The following HSPG2 variants were observed in gnomAD, a reference collection of about 807,000 sequenced individuals.
HSPG2 encodes the protein basement membrane-specific heparan sulfate proteoglycan core protein.
HSPG2 carries 278 observed loss-of-function variants against 526.6 expected under a neutral mutation model. That is an observed-to-expected ratio of 0.53 (90% CI 0.48 to 0.58). The LOEUF is 0.58. Among genes scored for constraint, HSPG2 ranks in the 20% least tolerant of loss-of-function variants. The pLI is 0.00. For synonymous variants in HSPG2, 2,465 were observed against 2,555.4 expected (o/e 0.96, Z 1.07); for missense variants, 5,354 against 6,099.5 (o/e 0.88, Z 4.07).
intron 28 of HSPG2, 120 bp from the exon 29 acceptor site, chr1:21,874,131 A>G: frequency 1.1e-6 from 1 of 891,070 alleles, no homozygotes. Flanking sequence ...ATGTGTCCTC[A>G]GTGCCACTGC....
At chr1:21,862,355 G>A (rs532060678) in intron 37 of HSPG2, among the ~76,000 whole-genome samples, 10 of 152,046 alleles carry the variant, frequency 6.6e-5, no homozygotes, top group East Asian at 1.9e-4. Flanking sequence ...AGGCCGAGGC[G>A]GGTGGATCAC....
Position 21,890,603 on chromosome 1 carries a change from G to C in HSPG2, c.336C>G (p.Ser112=). The change falls in exon 4 of 97, where the codon TCC becomes TCG. Residue 112 remains serine, a synonymous_variant. Coordinates refer to ENST00000374695, the MANE Select transcript of HSPG2 (RefSeq NM_005529.7). This position sits in a 1 kb window ranked among gnomAD's most constrained non-coding sequence, Gnocchi z 4.1. ...ACCTCACCGTGTCTACCACAGCCTCGGACACCTCTCGGAACTCTCTGGAGC... is the reference window on the plus strand; with the variant it reads ...ACCTCACCGTGTCTACCACAGCCTCCGACACCTCTCGGAACTCTCTGGAGC... ...DAGSREFREV[S]EAVVDTLESE... The C allele has an allele frequency of 6.2e-7, 1 of 1,613,266 alleles. No homozygotes were observed. Among genetic ancestry groups the C allele is most frequent in the Non-Finnish European group, 8.5e-7 (1 of 1,179,242 alleles).
chr1:21,900,180 G>A (rs1327668376), intron 1 of HSPG2, among the ~76,000 whole-genome samples: 5 of 152,216 alleles, frequency 3.3e-5, no homozygotes, highest in Non-Finnish European at 5.9e-5. Flanking sequence ...GAGGGGTCTA[G>A]GGGTCAGACC....
intron 27 of HSPG2, 30 bp downstream of exon 27, chr1:21,874,586 T>G: frequency 6.2e-7 from 1 of 1,613,754 alleles, no homozygotes; most frequent in Non-Finnish European, 8.5e-7. Context: ...CACAGATTGC[T>G]GGGGTGGGCG....
chr1:21,831,347 G>A (rs950980774), intron 83 of HSPG2, 23 bp from the exon 84 acceptor site: 9 of 1,609,836 alleles, frequency 5.6e-6, no homozygotes, highest in African/African-American at 4.0e-5. Flanking sequence ...TGGGCAGGAT[G>A]AGCACAGGGC....
chr1:21,899,012 A>G (rs1198799988), intron 1 of HSPG2, among the ~76,000 whole-genome samples: 1 of 152,182 alleles, frequency 6.6e-6, no homozygotes, highest in Non-Finnish European at 1.5e-5. Flanking sequence ...AGCCAGGAAC[A>G]CACATCTGCA....
Position 21,850,518 on chromosome 1 carries a change from G to C in HSPG2, c.7159-20C>G, listed in dbSNP as rs1638808993. The C allele has an allele frequency of 6.3e-7, 1 of 1,593,302 alleles. No individual in the cohort carries two copies. The highest frequency in any genetic ancestry group is 8.6e-7 in the Non-Finnish European group (1 of 1,167,962). On this transcript the variant is annotated intron_variant, in intron 55 of 96. Transcript: ENST00000374695. ...GTGGGTCTGGCCAGAATGGGGGTGA[G>C]TCAGAGGGAGCCCTCAGGAGACCCC...
intron 2 of HSPG2, 57 bp downstream of exon 2, chr1:21,896,118 A>G: frequency 6.2e-7 from 1 of 1,608,954 alleles, no homozygotes; most frequent in Non-Finnish European, 8.5e-7. Flanking sequence ...TGCCAGTGGG[A>G]AGAAGCACAG....
rs758771373 is a variant in HSPG2 at position 21,833,574 on chromosome 1, T to C, written c.10871A>G (p.Asn3624Ser). The C allele has an allele frequency of 1.2e-6, 2 of 1,614,126 alleles. No homozygotes were observed. Among genetic ancestry groups the C allele is most frequent in the South Asian group, 1.1e-5 (1 of 91,080 alleles). Residue 3624 changes from asparagine to serine, a missense_variant, in exon 79 of 97, where the codon AAC (asparagine) becomes AGC (serine). Asn to Ser is a conservative substitution (Grantham distance 46). Transcript: ENST00000374695. ...SLPPDSRLEN[N>S]MLMLPSVRPQ... ...TCGGACTGAGGGCAGCATCAGCATG[T>C]TGTTCTCCAGGCGGCTGTCAGGTGG...
rs145279304 is a variant in HSPG2, at chr1:21,838,973, G to A, written c.10002C>T (p.Arg3334=). The A allele has an allele frequency of 1.9e-5, 31 of 1,612,638 alleles. No individual in the cohort carries two copies. Among genetic ancestry groups the A allele is most frequent in the African/African-American group, 1.3e-4 (10 of 75,026 alleles). The part of the protein sequence containing the change: ...GTPPLTFQWS[R]VGSSLPGRAT... ...CCCTCCCAGGAAGGCTGCTGCCCAC[G>A]CGGCTCCACTGGAAGGTGAGTGGGG... Residue 3334 remains arginine (R), a synonymous_variant, in exon 74 of 97, where the codon CGC becomes CGT. Transcript: ENST00000374695.
intron 21 of HSPG2, 108 bp downstream of exon 21, chr1:21,878,078 C>T (rs1641219549): frequency 2.0e-6 from 2 of 1,021,472 alleles, no homozygotes; most frequent in African/African-American, 1.6e-5. Context: ...GACTGGGTTA[C>T]CACCCACTGG....
At position 21,859,217 on chromosome 1, in the gene HSPG2, T is replaced by C. The variant is rs548317009; in HGVS notation, c.5293+349A>G. Among the ~76,000 whole-genome samples the C allele has an allele frequency of 6.6e-6, 1 of 152,174 alleles. No individual in the cohort carries two copies. Among genetic ancestry groups the C allele is most frequent in the Admixed American group, 6.5e-5 (1 of 15,284 alleles). The stretch of plus-strand genomic sequence containing the variant: ...GTGTGTACCACCATGCCCAGCTAAT[T>C]TTTTCATTTGTACTAGAGACAGGGT... On this transcript the variant is annotated intron_variant, in intron 42 of 96. Transcript: ENST00000374695. The surrounding 1 kb of genome is among the most constrained non-coding windows in gnomAD (Gnocchi z 5.3).
chr1:21,905,714 C>T (rs2152782254), intron 1 of HSPG2, among the ~76,000 whole-genome samples: 1 of 152,274 alleles, frequency 6.6e-6, no homozygotes, highest in Admixed American at 6.5e-5. Context: ...TGCACTCCAG[C>T]CTGGGCAATA....
Position 21,855,863 on chromosome 1 carries a change from G to A in HSPG2, c.5625C>T (p.Leu1875=). 6 of 1,612,804 alleles carry A rather than the reference G, an allele frequency of 3.7e-6. No homozygotes were observed. The highest frequency in any genetic ancestry group is 5.1e-6 in the Non-Finnish European group (6 of 1,180,004). Residue 1875 remains leucine (L), a synonymous_variant, in exon 45 of 97, where the codon CTC becomes CTT. Transcript: ENST00000374695. Reference sequence around the variant, plus strand: ...CCGCCAGTTGCCCGGGCTGCACTGTGAGCTGTGGCGGATGGATGGAGACCA... The same window carrying A: ...CCGCCAGTTGCCCGGGCTGCACTGTAAGCTGTGGCGGATGGATGGAGACCA... ...APVVSIHPPQ[L]TVQPGQLAEF...
At chr1:21,924,902 A>G (rs1644144028) in intron 1 of HSPG2, among the ~76,000 whole-genome samples, 1 of 152,156 alleles carries the variant, frequency 6.6e-6, no homozygotes, top group African/African-American at 2.4e-5. Flanking sequence ...TCCTCTAGAA[A>G]GTCTTTCCAG....
chr1:21,895,935 C>T lies in HSPG2; in HGVS notation c.231G>A (p.Gly77=). 1 of 1,614,074 alleles carries T rather than the reference C, an allele frequency of 6.2e-7. No individual in the cohort carries two copies. Among genetic ancestry groups the T allele is most frequent in the Non-Finnish European group, 8.5e-7 (1 of 1,179,970 alleles). ...DDLGSGDLGS[G]DFQMVYFRAL... Reference sequence around the variant, plus strand: ...GCAGCAACTTACCCATCTGGAAGTCCCCGCTGCCCAGGTCCCCACTGCCCA... The same window carrying T: ...GCAGCAACTTACCCATCTGGAAGTCTCCGCTGCCCAGGTCCCCACTGCCCA... The change falls in exon 3 of 97, where the codon GGG becomes GGA. Residue 77 remains glycine, a synonymous_variant. Coordinates refer to ENST00000374695, the MANE Select transcript of HSPG2 (RefSeq NM_005529.7). The surrounding 1 kb of genome is among the most constrained non-coding windows in gnomAD (Gnocchi z 4.1).
intron 3 of HSPG2, among the ~76,000 whole-genome samples, chr1:21,894,256 C>A (rs1013620295): frequency 2.6e-5 from 4 of 152,082 alleles, no homozygotes; most frequent in Non-Finnish European, 4.4e-5. Context: ...GGGGAAGAGC[C>A]ATCTCAGGGG....
chr1:21,843,575 G>A (rs958725017), intron 65 of HSPG2, 137 bp from the exon 66 acceptor site: 28 of 826,868 alleles, frequency 3.4e-5, no homozygotes, highest in Non-Finnish European at 4.5e-5. Flanking sequence ...TTGACAGTCC[G>A]CATTGTGGAG....
At chr1:21,870,449 C>G (rs559207012) in intron 33 of HSPG2, 1 of 237,000 alleles carries the variant, frequency 4.2e-6, no homozygotes, top group Non-Finnish European at 6.9e-6. Context: ...GCATGCCCCC[C>G]CTCTCCAGGC....
Sources: allele counts gnomAD v4.1 joint callset (sites outside exome capture counted in the v4.1 genomes callset), GRCh38; gene constraint gnomAD v4.1.1; non-coding constraint Gnocchi (gnomAD v3.1); transcripts MANE v1.5; gene names NCBI Gene and HGNC (gene_info 2026-07-23, HGNC 2026-07-21).